The following EDN3 variants were observed in gnomAD, a reference collection of about 807,000 sequenced individuals.
The protein encoded by EDN3 is endothelin-3.
Under a neutral mutation model 21.4 loss-of-function variants are expected in EDN3, and 9 were observed. The ratio of observed to expected loss-of-function variants is 0.42; its 90% CI spans 0.25 to 0.73. The LOEUF (loss-of-function observed/expected upper bound fraction) is 0.73. Among genes scored for constraint, EDN3 ranks in the 30% least tolerant of loss-of-function variants. EDN3 has a pLI of 0.26. For synonymous variants in EDN3, 133 were observed against 126.2 expected, an observed-to-expected ratio of 1.05 and a Z score of -0.36; for missense variants, 327 against 309.4, an observed-to-expected ratio of 1.06 and a Z score of -0.43.
At chr20:59,321,347 A>G (rs1990534078) in intron 3 of EDN3, among the ~76,000 whole-genome samples, 154 bp downstream of exon 3, 2 of 152,212 alleles carry the variant, frequency 1.3e-5, no homozygotes, top group South Asian at 2.1e-4. Context: ...TGCTGAGCCC[A>G]GAAAAGACCC....
rs3026602 is a variant in EDN3 at position 59,305,042 on chromosome 20, C to T, written c.365+3320C>T. Reference sequence around the variant, plus strand: ...CTGCTCTTCAGGGGCCTGCACATCCCTGTAGACAGGGGTGGGCAAGAGAGT... The same window carrying T: ...CTGCTCTTCAGGGGCCTGCACATCCTTGTAGACAGGGGTGGGCAAGAGAGT... On this transcript the variant is annotated intron_variant, in intron 2 of 4. Coordinates refer to ENST00000337938, the MANE Select transcript of EDN3 (RefSeq NM_207034.3). The surrounding 1 kb of genome is among the most constrained non-coding windows in gnomAD (Gnocchi z 4.2). Among the ~76,000 whole-genome samples, 4,200 of 152,280 alleles carry T rather than the reference C, an allele frequency of 0.028. 138 individuals carry two copies. The highest frequency in any genetic ancestry group is 0.081 in the African/African-American group (3,349 of 41,540).
chr20:59,315,415 C>G (rs1189849477), intron 2 of EDN3, among the ~76,000 whole-genome samples: 2 of 152,240 alleles, frequency 1.3e-5, no homozygotes, highest in Non-Finnish European at 2.9e-5. Flanking sequence ...TCTGCTTTCC[C>G]AGTTCAGAAG....
At chr20:59,306,157 T>A (rs1317553889) in intron 2 of EDN3, among the ~76,000 whole-genome samples, 1 of 152,100 alleles carries the variant, frequency 6.6e-6, no homozygotes, top group African/African-American at 2.4e-5. Flanking sequence ...AGGGAGGCAT[T>A]GTGATGCTGG....
chr20:59,318,568 G>A (rs1457274916), intron 2 of EDN3, among the ~76,000 whole-genome samples: 4 of 152,156 alleles, frequency 2.6e-5, no homozygotes, highest in African/African-American at 2.4e-5. Flanking sequence ...CGCACGGGTC[G>A]GTCAGCAGAC....
chr20:59,319,736 A>G (rs896143148), intron 2 of EDN3, among the ~76,000 whole-genome samples: 9 of 151,418 alleles, frequency 5.9e-5, no homozygotes, highest in African/African-American at 2.2e-4. Context: ...CAAAAAAAAA[A>G]AAAAAAGAAA....
Position 59,324,551 on chromosome 20 carries a change from A to T in EDN3, c.*92A>T. On this transcript the variant is annotated 3_prime_UTR_variant, in exon 5 of 5. Transcript: ENST00000337938. ...CCACCTCTTTATAGACAAGAAGTGA[A>T]TTTGCCTGGGGCAGAACACCCACCC... 1 of 1,587,782 alleles carries T rather than the reference A, an allele frequency of 6.3e-7. No homozygotes were observed. The highest frequency in any genetic ancestry group is 2.2e-5 in the East Asian group (1 of 44,458).
In EDN3 at chr20:59,301,608, C is replaced by A. The variant is rs142051051; in HGVS notation, c.251C>A (p.Ala84Glu). Reference sequence around the variant, plus strand: ...CCTGGAAGCCCTGGGCAGGAGCAGGCGGCCGAGGGGGCCCCTGAGCACCAC... The same window carrying A: ...CCTGGAAGCCCTGGGCAGGAGCAGGAGGCCGAGGGGGCCCCTGAGCACCAC... Reference protein sequence around the residue: ...PSPGSPGQEQAAEGAPEHHRS... With the variant: ...PSPGSPGQEQEAEGAPEHHRS... The change falls in exon 2 of 5, where the codon GCG becomes GAG. Residue 84 changes from alanine (A) to glutamate (E), a missense_variant. Transcript: ENST00000337938. 8.4e-5 allele frequency: 135 copies of A among 1,614,026 alleles called. No individual in the cohort carries two copies. The highest frequency in any genetic ancestry group is 3.1e-4 in the African/African-American group (23 of 75,054).
chr20:59,307,511 T>C (rs1989508395), intron 2 of EDN3, among the ~76,000 whole-genome samples: 1 of 152,200 alleles, frequency 6.6e-6, no homozygotes, highest in African/African-American at 2.4e-5. Flanking sequence ...TGTGTGCATG[T>C]TCCCAACATG....
At chr20:59,319,083 C>T (rs141474046) in intron 2 of EDN3, among the ~76,000 whole-genome samples, 99 of 152,278 alleles carry the variant, frequency 6.5e-4, no homozygotes, top group African/African-American at 2.3e-3. Flanking sequence ...AAGGAGGGTT[C>T]AGCTCAATAC....
In EDN3 at chr20:59,320,072, C is replaced by G. The variant is rs141993985; in HGVS notation, c.366-945C>G. On this transcript the variant is annotated intron_variant, in intron 2 of 4. Coordinates refer to ENST00000337938, the MANE Select transcript of EDN3 (RefSeq NM_207034.3). ...GCACACTCACTAGAACCAGCTTCCA[C>G]GGGTTTTGCTCTGAACCACACCATC... Among the ~76,000 whole-genome samples, 3 of 152,342 alleles carry G rather than the reference C, an allele frequency of 2.0e-5. No homozygotes were observed. The East Asian group carries it at 5.8e-4, about 29-fold the overall frequency.
intron 2 of EDN3, among the ~76,000 whole-genome samples, chr20:59,308,136 G>GGCT (rs1989553717): frequency 1.3e-5 from 2 of 152,114 alleles, no homozygotes; most frequent in South Asian, 4.2e-4. Flanking sequence ...GGGTAAGAGG[G>GGCT]GCTGGTTGAG....
chr20:59,322,549 G>A lies in EDN3; in HGVS notation c.588+132G>A. On this transcript the variant is annotated intron_variant, in intron 4 of 4. Transcript: ENST00000337938. This position sits in a 1 kb window ranked among gnomAD's most constrained non-coding sequence, Gnocchi z 4.1. ...CCAGTGGGAACCCCAGATCTCATGGGATGCTGCACCCACAAGCAATGGTGC... is the reference window on the plus strand; with the variant it reads ...CCAGTGGGAACCCCAGATCTCATGGAATGCTGCACCCACAAGCAATGGTGC... 1 of 1,231,404 alleles carries A rather than the reference G, an allele frequency of 8.1e-7. No homozygotes were observed. Among genetic ancestry groups the A allele is most frequent in the South Asian group, 1.2e-5 (1 of 80,230 alleles). 76.3% of individuals were successfully genotyped at this position (1,231,404 alleles called of 1,614,324 possible). A position where few individuals can be genotyped will look rare whatever the true frequency, so the allele number is the denominator to read the frequency against.
chr20:59,303,727 G>C (rs1989205041), intron 2 of EDN3, among the ~76,000 whole-genome samples: 1 of 152,182 alleles, frequency 6.6e-6, no homozygotes. Flanking sequence ...CGATCTGTTT[G>C]AAGTCCTGTC....
rs1990597107 is a variant in EDN3, at chr20:59,322,311, C to A, written c.543-61C>A. ...GGGAAGAGGAAGTCATAATTTGACA[C>A]CGAAAAACCAGCCACAGGGAAAGGC... is the stretch of plus-strand genomic sequence containing the variant. On this transcript the variant is annotated intron_variant, in intron 3 of 4. Coordinates refer to ENST00000337938, the MANE Select transcript of EDN3 (RefSeq NM_207034.3). The surrounding 1 kb of genome is among the most constrained non-coding windows in gnomAD (Gnocchi z 4.1). The A allele has an allele frequency of 3.8e-6, 6 of 1,599,550 alleles. No individual in the cohort carries two copies. The Admixed American group carries it at 8.3e-5, about 22-fold the overall frequency.
intron 2 of EDN3, among the ~76,000 whole-genome samples, chr20:59,309,131 GA>G (rs1989628687): frequency 6.6e-6 from 1 of 152,156 alleles, no homozygotes; most frequent in African/African-American, 2.4e-5. Context: ...GTAAATCACT[GA>G]AAGTTTTCAG....
chr20:59,320,151 C>T (rs1203962379), intron 2 of EDN3, among the ~76,000 whole-genome samples: 1 of 152,226 alleles, frequency 6.6e-6, no homozygotes, highest in Non-Finnish European at 1.5e-5. Context: ...GGTTTCAAGC[C>T]TTCTTCATCA....
intron 2 of EDN3, among the ~76,000 whole-genome samples, chr20:59,307,663 C>T (rs1370216233): frequency 2.6e-5 from 4 of 152,228 alleles, no homozygotes; most frequent in Non-Finnish European, 5.9e-5. Context: ...GTTCCCCATC[C>T]GTGACTGATT....
intron 2 of EDN3, among the ~76,000 whole-genome samples, chr20:59,303,077 C>T (rs1422566218): frequency 6.6e-6 from 1 of 152,198 alleles, no homozygotes; most frequent in Non-Finnish European, 1.5e-5. Flanking sequence ...TGCACAAAGT[C>T]CTGCACTCAG....
At chr20:59,308,693 C>T (rs953871302) in intron 2 of EDN3, among the ~76,000 whole-genome samples, 9 of 152,206 alleles carry the variant, frequency 5.9e-5, no homozygotes, top group Non-Finnish European at 1.3e-4. Context: ...ATCTAGTAAA[C>T]ACTCAACGTC....
Sources: allele counts gnomAD v4.1 joint callset (sites outside exome capture counted in the v4.1 genomes callset), GRCh38; gene constraint gnomAD v4.1.1; non-coding constraint Gnocchi (gnomAD v3.1); transcripts MANE v1.5; gene names NCBI Gene and HGNC (gene_info 2026-07-23, HGNC 2026-07-21).